B3GALT1: variants seen among roughly 807,000 people sequenced by gnomAD.
B3GALT1 encodes beta-1,3-galactosyltransferase 1.
A neutral mutation model predicts 23.2 loss-of-function variants in B3GALT1; 10 were observed. The observed-to-expected ratio is 0.43, with a 90% CI of 0.27 to 0.73. B3GALT1 has a LOEUF of 0.73. Ranked by LOEUF, B3GALT1 falls within the 30% of genes least tolerant of loss-of-function variation. B3GALT1 has a pLI of 0.21. For missense variants in B3GALT1, 299 were observed against 405.4 expected, an observed-to-expected ratio of 0.74 and a Z score of 2.25; for synonymous variants, 156 against 141.5, an observed-to-expected ratio of 1.10 and a Z score of -0.73.
chr2:167,729,524 C>T (rs752769245), intron 3 of B3GALT1, among the ~76,000 whole-genome samples: 17 of 152,162 alleles, frequency 1.1e-4, no homozygotes, highest in African/African-American at 2.4e-5. Flanking sequence ...TAATGTCACA[C>T]CTCACCAGGG....
intron 2 of B3GALT1, among the ~76,000 whole-genome samples, chr2:167,588,074 T>C (rs992795627): frequency 1.4e-4 from 22 of 152,280 alleles, no homozygotes; most frequent in African/African-American, 5.3e-4. Context: ...ATGAAATCAT[T>C]GCACCTCTTT....
intron 1 of B3GALT1, among the ~76,000 whole-genome samples, chr2:167,355,204 C>T (rs1209491350): frequency 6.6e-6 from 1 of 152,226 alleles, no homozygotes; most frequent in Non-Finnish European, 1.5e-5. Context: ...GATGATGATG[C>T]ATTTCCAGTT....
At chr2:167,628,014 C>T (rs1558929510) in intron 2 of B3GALT1, among the ~76,000 whole-genome samples, 1 of 151,652 alleles carries the variant, frequency 6.6e-6, no homozygotes. Context: ...GATGAAGTGT[C>T]CATTTTACTT....
At chr2:167,623,052 G>A (rs1969581) in intron 2 of B3GALT1, among the ~76,000 whole-genome samples, 121,559 of 152,072 alleles carry the variant, frequency 0.8, 48,876 homozygotes, top group African/African-American at 0.88. Context: ...ACATAGTCAT[G>A]TCAAAGCCAC....
At chr2:167,840,461 C>G (rs1391575442) in intron 4 of B3GALT1, among the ~76,000 whole-genome samples, 5 of 151,672 alleles carry the variant, frequency 3.3e-5, no homozygotes, top group Non-Finnish European at 5.9e-5. Context: ...AAATGCAAAT[C>G]AAAACCACAA....
At chr2:167,500,127 C>G (rs1559114711) in intron 2 of B3GALT1, among the ~76,000 whole-genome samples, 1 of 152,062 alleles carries the variant, frequency 6.6e-6, no homozygotes, top group Non-Finnish European at 1.5e-5. Flanking sequence ...AATAGCCTCA[C>G]AGGAACAATT....
chr2:167,578,662 T>G (rs754907012), intron 2 of B3GALT1, among the ~76,000 whole-genome samples: 6 of 151,946 alleles, frequency 3.9e-5, no homozygotes, highest in Non-Finnish European at 5.9e-5. Context: ...GATGTTCTAA[T>G]AAGGGTTGTC....
At chr2:167,708,442 C>T (rs1419338617) in intron 3 of B3GALT1, among the ~76,000 whole-genome samples, 1 of 152,160 alleles carries the variant, frequency 6.6e-6, no homozygotes, top group East Asian at 1.9e-4. Flanking sequence ...GGGTGGATCA[C>T]CTGCTGTCGG....
At chr2:167,335,219 G>A (rs962981569) in intron 1 of B3GALT1, among the ~76,000 whole-genome samples, 1 of 150,882 alleles carries the variant, frequency 6.6e-6, no homozygotes, top group Admixed American at 6.6e-5. Flanking sequence ...AGGGGGGAGC[G>A]GAATAAAAAA....
chr2:167,717,407 A>G (rs1687168075), intron 3 of B3GALT1, among the ~76,000 whole-genome samples: 1 of 151,984 alleles, frequency 6.6e-6, no homozygotes, highest in Non-Finnish European at 1.5e-5. Flanking sequence ...GTCATTTAGC[A>G]TTAGGTATAT....
chr2:167,584,185 G>C (rs1684542759), intron 2 of B3GALT1, among the ~76,000 whole-genome samples: 1 of 152,152 alleles, frequency 6.6e-6, no homozygotes, highest in Non-Finnish European at 1.5e-5. Flanking sequence ...GTAGAATATA[G>C]CAGTTCTGGA....
chr2:167,579,450 A>ATTTTTTTTTTTTTATTTTTT (rs1487721779), intron 2 of B3GALT1, among the ~76,000 whole-genome samples: 1 of 57,898 alleles, frequency 1.7e-5, no homozygotes, highest in African/African-American at 9.5e-5. Flanking sequence ...TTTTTTTTCC[A>ATTTTTTTTTTTTTATTTTTT]TTTAAATTCT....
chr2:167,305,641 T>G (rs78861268), intron 1 of B3GALT1, among the ~76,000 whole-genome samples: 15,953 of 152,102 alleles, frequency 0.1, 1,037 homozygotes, highest in African/African-American at 0.19. Context: ...ACCAAATACC[T>G]GGTTTCATGG....
At chr2:167,628,330 G>A (rs1257909781) in intron 2 of B3GALT1, among the ~76,000 whole-genome samples, 3 of 151,542 alleles carry the variant, frequency 2.0e-5, no homozygotes, top group African/African-American at 7.3e-5. Context: ...GTCTATGAGA[G>A]TAAACTTTTA....
At chr2:167,643,064 T>C (rs1685684345) in intron 2 of B3GALT1, among the ~76,000 whole-genome samples, 1 of 152,164 alleles carries the variant, frequency 6.6e-6, no homozygotes, top group African/African-American at 2.4e-5. Flanking sequence ...TCGTAAGAAT[T>C]TTAAAAACAT....
chr2:167,424,219 AAAAG>A (rs1193812440), intron 1 of B3GALT1, among the ~76,000 whole-genome samples: 11 of 152,212 alleles, frequency 7.2e-5, no homozygotes, highest in African/African-American at 2.7e-4. Flanking sequence ...GAGGTAAAGA[AAAAG>A]AAATTTTGGA....
intron 1 of B3GALT1, among the ~76,000 whole-genome samples, chr2:167,461,782 A>G (rs1040392099): frequency 6.6e-6 from 1 of 152,170 alleles, no homozygotes; most frequent in South Asian, 2.1e-4. Context: ...AGGCAATTAC[A>G]TAATTATTTT....
chr2:167,302,846 C>T (rs565053092), intron 1 of B3GALT1, among the ~76,000 whole-genome samples: 2 of 152,156 alleles, frequency 1.3e-5, no homozygotes, highest in East Asian at 3.9e-4. Flanking sequence ...AATCCAAAAA[C>T]AAATATCATG....
intron 4 of B3GALT1, among the ~76,000 whole-genome samples, chr2:167,848,914 A>G (rs1359882680): frequency 1.3e-5 from 2 of 152,266 alleles, no homozygotes; most frequent in African/African-American, 4.8e-5. Flanking sequence ...TACAAGAATC[A>G]GTAGCTCTTC....
Sources: gnomAD v4.1 joint callset for allele counts (sites outside exome capture counted in the v4.1 genomes callset) on GRCh38, gnomAD v4.1.1 for gene constraint, MANE v1.5 for transcripts, NCBI Gene and HGNC (gene_info 2026-07-23, HGNC 2026-07-21) for gene names.